Variants in MAPK6 observed in about 807,000 individuals in gnomAD.
MAPK6 encodes the protein mitogen-activated protein kinase 6, also known as ERK-3.
In MAPK6, 19 loss-of-function variants were observed where a neutral mutation model predicts 59.3. The ratio of observed to expected loss-of-function variants is 0.32; its 90% CI spans 0.22 to 0.47. MAPK6 has a LOEUF of 0.47. Among genes scored for constraint, MAPK6 ranks in the 20% least tolerant of loss-of-function variants. The pLI is 1.00. For missense variants in MAPK6, 724 were observed against 847.9 expected (o/e 0.85, Z 1.81); for synonymous variants, 316 against 290.3 (o/e 1.09, Z -0.90).
At chr15:52,032,431 C>G (rs1315302999) in intron 1 of MAPK6, among the ~76,000 whole-genome samples, 2 of 151,888 alleles carry the variant, frequency 1.3e-5, no homozygotes, top group Admixed American at 6.6e-5. Context: ...CTCAGGTGAT[C>G]CATCTGCCTT....
chr15:51,977,094 C>T (rs2441782), intron 1 of MAPK6, among the ~76,000 whole-genome samples: 31 of 151,308 alleles, frequency 2.0e-4, no homozygotes, highest in African/African-American at 7.2e-4. Flanking sequence ...ACCTCTGCCT[C>T]CCAGGTTCTA....
chr15:52,024,935 C>G lies in MAPK6; in HGVS notation c.-632+5559C>G, dbSNP rs1234468997. 3.0e-5 allele frequency among the ~76,000 whole-genome samples: 4 copies of G among 135,280 alleles called. No individual in the cohort carries two copies. The South Asian group carries it at 7.3e-4, about 25-fold the overall frequency. 88.7% of individuals were successfully genotyped at this position (135,280 alleles called of 152,430 possible). ...GGAGTCTCACTGTGTTGCCCATGCT[C>G]GTCTCAAACTCCTGGCCTCCTAACG... On this transcript the variant is annotated intron_variant, in intron 1 of 5. Coordinates refer to ENST00000261845, the MANE Select transcript of MAPK6 (RefSeq NM_002748.4).
chr15:52,038,425 C>G (rs2031311227), intron 1 of MAPK6, among the ~76,000 whole-genome samples: 1 of 152,156 alleles, frequency 6.6e-6, no homozygotes, highest in Non-Finnish European at 1.5e-5. Context: ...AATGGTGTCA[C>G]TTTTGGATGG....
rs1260206187 is a variant in MAPK6 at position 52,057,465 on chromosome 15, C to A, written c.701-1168C>A. On this transcript the variant is annotated intron_variant, in intron 3 of 5. Transcript: ENST00000261845. ...CTCTGTCTTCTGGGCTTCTCTCCAT[C>A]TTCCTAGAACTCCTTTCTTTCTTCC... is the stretch of plus-strand genomic sequence containing the variant. Among the ~76,000 whole-genome samples, 5 of 152,286 alleles carry A rather than the reference C, an allele frequency of 3.3e-5. No homozygotes were observed. In the East Asian group the frequency reaches 9.6e-4, roughly 29 times the overall value.
intron 1 of MAPK6, among the ~76,000 whole-genome samples, chr15:52,036,493 G>A (rs1426655891): frequency 6.6e-6 from 1 of 152,160 alleles, no homozygotes; most frequent in African/African-American, 2.4e-5. Flanking sequence ...GAGAAAGAGA[G>A]GGCCAAATTT....
At chr15:52,032,470 G>A (rs1004068047) in intron 1 of MAPK6, among the ~76,000 whole-genome samples, 2 of 152,010 alleles carry the variant, frequency 1.3e-5, no homozygotes, top group Non-Finnish European at 1.5e-5. Context: ...GATTACAGGC[G>A]TGAGCCACTG....
In MAPK6 at chr15:52,012,851, G is replaced by A. The variant is rs2030091480; in HGVS notation, c.-632+8449G>A. ...AAAATACAAAAATTAGCCGGGCGTG[G>A]TGGTGGGTGCCTGTAGTCCCAGCTA... On this transcript the variant is annotated intron_variant, in intron 3 of 7. Coordinates refer to the MAPK6 transcript ENST00000691380. Among the ~76,000 whole-genome samples, 5 of 151,202 alleles carry A rather than the reference G, an allele frequency of 3.3e-5. No homozygotes were observed. The South Asian group carries it at 1.0e-3, about 32-fold the overall frequency.
intron 1 of MAPK6, among the ~76,000 whole-genome samples, chr15:52,045,556 C>T (rs2031569721): frequency 6.6e-6 from 1 of 152,170 alleles, no homozygotes; most frequent in Non-Finnish European, 1.5e-5. Context: ...CCTTCCCATA[C>T]TTGTTGGCAT....
chr15:51,993,079 C>T (rs967305113), intron 2 of MAPK6, among the ~76,000 whole-genome samples: 2 of 152,150 alleles, frequency 1.3e-5, no homozygotes, highest in Non-Finnish European at 2.9e-5. Context: ...TTCTAACCCT[C>T]CAATCACATA....
At chr15:52,043,742 A>ATTTGTTTTT (rs2031504662) in intron 1 of MAPK6, among the ~76,000 whole-genome samples, 1 of 40,630 alleles carries the variant, frequency 2.5e-5, no homozygotes, top group Non-Finnish European at 4.4e-5. Flanking sequence ...AAGTTGTTTG[A>ATTTGTTTTT]TTTTTTTTTT....
At chr15:52,054,132 C>T (rs996607383) in intron 3 of MAPK6, among the ~76,000 whole-genome samples, 10 of 151,830 alleles carry the variant, frequency 6.6e-5, no homozygotes, top group African/African-American at 1.4e-4. Flanking sequence ...CTTTGGGATG[C>T]GGAGGCAAGT....
chr15:52,027,226 T>TGTAATCCCA (rs994595272), intron 1 of MAPK6, among the ~76,000 whole-genome samples: 11 of 151,100 alleles, frequency 7.3e-5, no homozygotes, highest in Middle Eastern at 3.4e-3. Flanking sequence ...AGCGTATGCC[T>TGTAATCCCA]GTAATCCCAG....
At chr15:52,058,833 C>G in intron 4 of MAPK6, 36 bp downstream of exon 4, 1 of 1,556,186 alleles carries the variant, frequency 6.4e-7, no homozygotes, top group African/African-American at 1.4e-5. Context: ...ACGTTAATGC[C>G]TGTGTGTGAG....
At chr15:51,978,375 C>T (rs1019011476) in intron 1 of MAPK6, among the ~76,000 whole-genome samples, 1 of 151,902 alleles carries the variant, frequency 6.6e-6, no homozygotes, top group Non-Finnish European at 1.5e-5. Context: ...CTCAGGTGAT[C>T]CACCGGCCTT....
Position 52,046,971 on chromosome 15 carries a change from G to T in MAPK6, c.511G>T (p.Asp171Tyr). Residue 171 changes from aspartate (D) to tyrosine (Y), a missense_variant, in exon 2 of 6, where the codon GAC becomes TAC. Physicochemically the swap from Asp to Tyr is radical, Grantham distance 160. Transcript: ENST00000261845. ...GGAAGACTTGGTGCTGAAGATAGGT[G>T]ACTTTGGTCTTGCACGGATCATGGA... ...NTEDLVLKIG[D>Y]FGLARIMDPH... 6.2e-7 allele frequency: 1 copy of T among 1,606,670 alleles called. No homozygotes were observed. Among genetic ancestry groups the T allele is most frequent in the South Asian group, 1.1e-5 (1 of 89,500 alleles).
intron 3 of MAPK6, among the ~76,000 whole-genome samples, chr15:52,052,789 C>T (rs1311137807): frequency 6.6e-6 from 1 of 152,182 alleles, no homozygotes; most frequent in Admixed American, 6.6e-5. Context: ...TTTATCCATT[C>T]CTCAGTTGAT....
At chr15:52,036,562 T>G (rs2031248160) in intron 1 of MAPK6, among the ~76,000 whole-genome samples, 2 of 152,186 alleles carry the variant, frequency 1.3e-5, no homozygotes, top group Non-Finnish European at 1.5e-5. Flanking sequence ...TTCTTACTAG[T>G]GATTAATAAT....
At chr15:52,037,737 T>G (rs1174526083) in intron 1 of MAPK6, among the ~76,000 whole-genome samples, 1 of 152,214 alleles carries the variant, frequency 6.6e-6, no homozygotes, top group Non-Finnish European at 1.5e-5. Flanking sequence ...ACTGATGTTT[T>G]CTAGTGGTAG....
intron 3 of MAPK6, among the ~76,000 whole-genome samples, chr15:52,051,393 C>G (rs1187610430): frequency 6.6e-6 from 1 of 151,340 alleles, no homozygotes; most frequent in Non-Finnish European, 1.5e-5. Flanking sequence ...CCCCCAACCC[C>G]CAGACGGTGC....
Sources: allele counts gnomAD v4.1 joint callset (sites outside exome capture counted in the v4.1 genomes callset), GRCh38; gene constraint gnomAD v4.1.1; transcripts MANE v1.5; gene names NCBI Gene and HGNC (gene_info 2026-07-23, HGNC 2026-07-21).